Variants in CFAP46 observed in about 807,000 individuals in gnomAD.
The protein encoded by CFAP46 is cilia and flagella associated protein 46, also known as cilia- and flagella-associated protein 46.
Under a neutral mutation model 325.7 loss-of-function variants are expected in CFAP46, and 245 were observed. The observed-to-expected ratio is 0.75, with a 90% CI of 0.68 to 0.84. The LOEUF (loss-of-function observed/expected upper bound fraction) is 0.84. Among genes scored for constraint, CFAP46 ranks in the 40% least tolerant of loss-of-function variants. The pLI is 0.00. For synonymous variants in CFAP46, 1,523 were observed against 1,495.9 expected, an observed-to-expected ratio of 1.02 and a Z score of -0.42; for missense variants, 3,346 against 3,543.0, an observed-to-expected ratio of 0.94 and a Z score of 1.41.
rs577469822 is a variant in CFAP46 at position 132,845,994 on chromosome 10, G to A, written c.6438+63C>T. The A allele has an allele frequency of 2.2e-4, 340 of 1,523,138 alleles. No individual in the cohort carries two copies. The Admixed American group carries it at 4.0e-3, about 18-fold the overall frequency. The allele number at this position is 1,523,138 out of a possible 1,614,324, so 94.4% of individuals were successfully genotyped here. A position where few individuals can be genotyped will look rare whatever the true frequency, so the allele number is the denominator to read the frequency against. ...CGCTCAGGCGTGGGACTGTGCGGCTGCAGTGTCTGTCCACAGAGCTCCAGA... is the reference window on the plus strand; with the variant it reads ...CGCTCAGGCGTGGGACTGTGCGGCTACAGTGTCTGTCCACAGAGCTCCAGA... On this transcript the variant is annotated intron_variant, in intron 44 of 57. Coordinates refer to ENST00000368586, the MANE Select transcript of CFAP46 (RefSeq NM_001200049.3).
chr10:132,869,490 G>T lies in CFAP46; in HGVS notation c.4512-118C>A. Reference sequence around the variant, plus strand: ...CTAACACATCGAGGCACACTTGGATGGTATTTTCAATCATTTTTAAAGGTA... The same window carrying T: ...CTAACACATCGAGGCACACTTGGATTGTATTTTCAATCATTTTTAAAGGTA... On this transcript the variant is annotated intron_variant, in intron 32 of 57. Coordinates refer to ENST00000368586, the MANE Select transcript of CFAP46 (RefSeq NM_001200049.3). The surrounding 1 kb of genome is among the most constrained non-coding windows in gnomAD (Gnocchi z 6.2). 1 of 618,272 alleles carries T rather than the reference G, an allele frequency of 1.6e-6. No homozygotes were observed. The highest frequency in any genetic ancestry group is 2.5e-6 in the Non-Finnish European group (1 of 395,596). The allele number at this position is 618,272 out of a possible 1,614,324, so 38.3% of individuals were successfully genotyped here.
chr10:132,883,284 G>A (rs1166120911), intron 27 of CFAP46, among the ~76,000 whole-genome samples: 5 of 152,166 alleles, frequency 3.3e-5, no homozygotes, highest in Non-Finnish European at 7.4e-5. Flanking sequence ...CTAAAGCAAC[G>A]AAAACCAACC....
At chr10:132,835,865 C>T (rs1232180045) in intron 46 of CFAP46, among the ~76,000 whole-genome samples, 5 of 136,624 alleles carry the variant, frequency 3.7e-5, no homozygotes, top group Non-Finnish European at 8.0e-5. Flanking sequence ...CCCGAAACCA[C>T]TCCCCTCCCG....
At chr10:132,851,390 C>T (rs773509030) in intron 39 of CFAP46, 85 bp from the exon 40 acceptor site, 77 of 1,335,192 alleles carry the variant, frequency 5.8e-5, no homozygotes, top group African/African-American at 7.3e-5. Flanking sequence ...GAGGCATAAC[C>T]GACGTAAGAA....
At chr10:132,871,693 C>T (rs145196790) in intron 32 of CFAP46, among the ~76,000 whole-genome samples, 21 of 152,304 alleles carry the variant, frequency 1.4e-4, no homozygotes, top group East Asian at 7.7e-4. Flanking sequence ...TGAATGGATG[C>T]GGAATTGCCT....
Position 132,885,829 on chromosome 10 carries a change from G to A in CFAP46, c.3435C>T (p.Ala1145=). ...GTGGGGGGAGCACTCACAGGCGGTG[G>A]GCCGTCCTTGGCAGCACCTGCACAG... is the stretch of plus-strand genomic sequence containing the variant. ...DEAVQVLPRT[A]HRLLIFKHMV... The change falls in exon 26 of 58, where the codon GCC becomes GCT. Residue 1145 remains alanine, a synonymous_variant. Transcript: ENST00000368586. The A allele has an allele frequency of 1.9e-6, 3 of 1,548,448 alleles. No individual in the cohort carries two copies. Among genetic ancestry groups the A allele is most frequent in the Non-Finnish European group, 2.6e-6 (3 of 1,146,454 alleles).
chr10:132,821,510 G>A (rs1333008642), intron 50 of CFAP46, among the ~76,000 whole-genome samples: 28 of 139,972 alleles, frequency 2.0e-4, no homozygotes, highest in African/African-American at 3.3e-4. Flanking sequence ...TGCTGTGTGC[G>A]CTGTGTGCTG....
In CFAP46 at chr10:132,878,088, C is replaced by G. The variant is rs746153167; in HGVS notation, c.4006-1G>C. 2.6e-6 allele frequency: 4 copies of G among 1,548,662 alleles called. No individual in the cohort carries two copies. The highest frequency in any genetic ancestry group is 1.2e-5 in the South Asian group (1 of 83,646). ...ATTTTCCTGCTGTCATCAAAGAAAC[C>G]TGGTGGGGATGAAATCCACATTTGC... On this transcript the variant is annotated splice_acceptor_variant, in intron 29 of 57. Coordinates refer to ENST00000368586, the MANE Select transcript of CFAP46 (RefSeq NM_001200049.3). LOFTEE classifies it high-confidence loss of function.
At position 132,916,693 on chromosome 10, in the gene CFAP46, C is replaced by A. The variant is rs770081309; in HGVS notation, c.1987-11G>T. 7.8e-5 allele frequency: 114 copies of A among 1,454,514 alleles called. No individual in the cohort carries two copies. The highest frequency in any genetic ancestry group is 1.0e-4 in the Non-Finnish European group (110 of 1,096,918). 90.1% of individuals were successfully genotyped at this position (1,454,514 alleles called of 1,614,324 possible). ...CAAATGAACCGTGGCCTGCAAAACA[C>A]ACATGCGGTGGGAGGGGTCATGGGC... is the stretch of plus-strand genomic sequence containing the variant. On this transcript the variant is annotated splice_polypyrimidine_tract_variant and intron_variant, in intron 16 of 57. Transcript: ENST00000368586.
In CFAP46 at chr10:132,867,241, C is replaced by T; in HGVS notation, c.4743+134G>A. 2 of 1,052,644 alleles carry T rather than the reference C, an allele frequency of 1.9e-6. 1 individual carries two copies. Among genetic ancestry groups the T allele is most frequent in the South Asian group, 3.4e-5 (2 of 59,170 alleles). The allele number at this position is 1,052,644 out of a possible 1,614,324, so 65.2% of individuals were successfully genotyped here. A position where few individuals can be genotyped will look rare whatever the true frequency, so the allele number is the denominator to read the frequency against. ...CAGGCCGGCCCCTCACACACTGACA[C>T]ACACCCAGGCCGGCCCCTCACACAC... On this transcript the variant is annotated intron_variant, in intron 34 of 57. Transcript: ENST00000368586.
chr10:132,847,675 GA>G lies in CFAP46; in HGVS notation c.5953-355del, dbSNP rs1191944073. On this transcript the variant is annotated intron_variant, in intron 41 of 57. Transcript: ENST00000368586. The surrounding 1 kb of genome is among the most constrained non-coding windows in gnomAD (Gnocchi z 5.2). ...CTGTCCTTTGGAAACACCTCTCCCG[GA>G]ACCAGCCAGCACTGAGGCTGAGGCA... 6.6e-6 allele frequency among the ~76,000 whole-genome samples: 1 copy of G among 152,042 alleles called. No individual in the cohort carries two copies. Among genetic ancestry groups the G allele is most frequent in the African/African-American group, 2.4e-5 (1 of 41,408 alleles).
intron 8 of CFAP46, among the ~76,000 whole-genome samples, chr10:132,933,567 C>T (rs966862284): frequency 2.6e-4 from 39 of 152,326 alleles, no homozygotes; most frequent in African/African-American, 8.4e-4. Context: ...GCACTCATAC[C>T]CCTCCCAAAA....
chr10:132,824,848 T>G (rs1848005787), intron 50 of CFAP46, among the ~76,000 whole-genome samples: 1 of 142,942 alleles, frequency 7.0e-6, no homozygotes, highest in African/African-American at 2.6e-5. Flanking sequence ...GTGTGAGCGC[T>G]GATGTGTGTG....
rs745540744 is a variant in CFAP46, at chr10:132,922,651, G to A, written c.1314C>T (p.Asp438=). ...VHMEMAQIEE[D]EDRLEPATEH... is the part of the protein sequence containing the mutation. Reference sequence around the variant, plus strand: ...CCGTGGCGGGCTCCAGCCGGTCCTCGTCCTCCTCGATCTGCGCCATCTCCA... The same window carrying A: ...CCGTGGCGGGCTCCAGCCGGTCCTCATCCTCCTCGATCTGCGCCATCTCCA... Residue 438 remains aspartate (D), a synonymous_variant, in exon 12 of 58, where the codon GAC becomes GAT. Coordinates refer to ENST00000368586, the MANE Select transcript of CFAP46 (RefSeq NM_001200049.3). 23 of 1,549,858 alleles carry A rather than the reference G, an allele frequency of 1.5e-5. No individual in the cohort carries two copies. The highest frequency in any genetic ancestry group is 2.7e-5 in the African/African-American group (2 of 73,062).
rs779739705 is a variant in CFAP46, at chr10:132,924,710, C to G, written c.1242G>C (p.Leu414=). 11 of 1,534,684 alleles carry G rather than the reference C, an allele frequency of 7.2e-6. No individual in the cohort carries two copies. In the African/African-American group the frequency reaches 1.5e-4, roughly 21 times the overall value. ...GAGCGCCCCACCTGTCCAGCTTCTC[C>G]AGCACGTCCGCAACGCCAGCCAGGG... ...RKPLAGVADV[L]EKLDSLMTLL... The change falls in exon 11 of 58, where the codon CTG becomes CTC. Residue 414 remains leucine (L), a synonymous_variant. Transcript: ENST00000368586.
chr10:132,878,495 G>A (rs138959097), intron 29 of CFAP46, among the ~76,000 whole-genome samples: 1,602 of 152,338 alleles, frequency 0.011, 15 homozygotes, highest in South Asian at 0.043. Context: ...CGGGCCCCTC[G>A]CGGCCCTGAC....
intron 35 of CFAP46, among the ~76,000 whole-genome samples, chr10:132,865,504 C>T (rs1380866158): frequency 1.3e-5 from 2 of 152,166 alleles, no homozygotes; most frequent in East Asian, 1.9e-4. Flanking sequence ...CAGCGCCCGC[C>T]GGGGAGACGG....
chr10:132,843,982 G>C (rs1264799752), intron 44 of CFAP46, among the ~76,000 whole-genome samples: 18 of 105,266 alleles, frequency 1.7e-4, no homozygotes, highest in African/African-American at 4.2e-4. Flanking sequence ...TGGGGCTCTG[G>C]TCTCAGTGGG....
chr10:132,938,878 T>C, intron 4 of CFAP46, 125 bp from the exon 5 acceptor site: 1 of 793,500 alleles, frequency 1.3e-6, no homozygotes, highest in South Asian at 1.8e-5. Context: ...CTCCAGCAGA[T>C]GGCAGCAGCC....
Sources: gnomAD v4.1 joint callset for allele counts (sites outside exome capture counted in the v4.1 genomes callset) on GRCh38, gnomAD v4.1.1 for gene constraint, Gnocchi (gnomAD v3.1) non-coding constraint, MANE v1.5 for transcripts, NCBI Gene and HGNC (gene_info 2026-07-23, HGNC 2026-07-21) for gene names.